The following NOSTRIN variants were observed in gnomAD, a reference collection of about 807,000 sequenced individuals.
The protein encoded by NOSTRIN is BM247 homolog.
Under a neutral mutation model 59.0 loss-of-function variants are expected in NOSTRIN, and 63 were observed. The observed-to-expected ratio is 1.07, with a 90% confidence interval of 0.87 to 1.32. The LOEUF (loss-of-function observed/expected upper bound fraction) is 1.32, where lower values mean the gene tolerates loss of function less well. Among genes scored for constraint, NOSTRIN ranks in the 40% most tolerant of loss-of-function variants. NOSTRIN has a pLI of 0.00. For missense variants in NOSTRIN, 512 were observed against 473.1 expected, an observed-to-expected ratio of 1.08 and a Z score of -0.76; for synonymous variants, 200 against 165.4, an observed-to-expected ratio of 1.21 and a Z score of -1.61.
chr2:168,832,484 A>C (rs1305584841), intron 6 of NOSTRIN, among the ~76,000 whole-genome samples: 2 of 152,204 alleles, frequency 1.3e-5, no homozygotes, highest in African/African-American at 4.8e-5. Flanking sequence ...GCCCACAGAG[A>C]ACCTTTACAA....
chr2:168,802,222 G>A (rs368016424), upstream of NOSTRIN, among the ~76,000 whole-genome samples: 30 of 152,244 alleles, frequency 2.0e-4, 1 homozygote, highest in East Asian at 3.5e-3. Flanking sequence ...AGTCCATGAG[G>A]TCCCCAAAGG....
At chr2:168,862,920 A>G (rs960212861) in intron 15 of NOSTRIN, among the ~76,000 whole-genome samples, 7 of 152,254 alleles carry the variant, frequency 4.6e-5, no homozygotes, top group Non-Finnish European at 1.0e-4. Flanking sequence ...TACATTTTGT[A>G]GCCAAACGAC....
At chr2:168,809,521 A>G (rs1455047754) in intron 1 of NOSTRIN, among the ~76,000 whole-genome samples, 2 of 152,148 alleles carry the variant, frequency 1.3e-5, no homozygotes, top group Non-Finnish European at 2.9e-5. Flanking sequence ...ATTATAGAAG[A>G]AAACAAAAGG....
At chr2:168,794,747 TA>T (rs146099568), upstream of NOSTRIN, among the ~76,000 whole-genome samples, 774 of 152,174 alleles carry the variant, frequency 5.1e-3, 7 homozygotes, top group African/African-American at 0.017. Context: ...TAAAATGGCT[TA>T]AAAAAATTAA....
chr2:168,863,478 T>C, intron 15 of NOSTRIN: 1 of 985,336 alleles, frequency 1.0e-6, no homozygotes, highest in Non-Finnish European at 1.2e-6. Context: ...GGGCAGATGA[T>C]CCTGAAGGGG....
chr2:168,793,095 C>G (rs1173811121), intron 2 of NOSTRIN, among the ~76,000 whole-genome samples: 1 of 152,196 alleles, frequency 6.6e-6, no homozygotes, highest in African/African-American at 2.4e-5. Flanking sequence ...GGGCTTCGTT[C>G]TAGATTCCTC....
chr2:168,864,892 T>C lies in NOSTRIN; in HGVS notation c.1443T>C (p.Asn481=). 1 of 1,614,000 alleles carries C rather than the reference T, an allele frequency of 6.2e-7. No homozygotes were observed. The highest frequency in any genetic ancestry group is 8.5e-7 in the Non-Finnish European group (1 of 1,179,956). The change falls in exon 16 of 16, where the codon AAT becomes AAC. Residue 481 remains asparagine (N), a synonymous_variant. Transcript: ENST00000317647. The stretch of plus-strand genomic sequence containing the variant: ...GAGGATGGTGGTTTGGATCTTTGAA[T>C]GGGAAAAAAGGCCATTTTCCTGCCG... ...KEGGWWFGSL[N]GKKGHFPAAY...
upstream of NOSTRIN, among the ~76,000 whole-genome samples, chr2:168,800,543 G>A (rs1309868892): frequency 3.3e-5 from 5 of 152,150 alleles, no homozygotes; most frequent in Non-Finnish European, 1.5e-5. Flanking sequence ...TGTCCAGGAG[G>A]TCTGAGGGAA....
intron 3 of NOSTRIN, among the ~76,000 whole-genome samples, chr2:168,825,239 G>A (rs558922): frequency 0.42 from 64,435 of 152,018 alleles, 15,091 homozygotes; most frequent in East Asian, 0.87. Flanking sequence ...GAGAGGTCTT[G>A]TTATCCCTGT....
intron 8 of NOSTRIN, among the ~76,000 whole-genome samples, chr2:168,848,123 T>C (rs1688535752): frequency 6.6e-6 from 1 of 152,244 alleles, no homozygotes; most frequent in African/African-American, 2.4e-5. Context: ...TAAGGACTTC[T>C]TCTTTTTGAA....
intron 2 of NOSTRIN, among the ~76,000 whole-genome samples, chr2:168,823,732 G>A (rs1299881034): frequency 6.6e-6 from 1 of 152,088 alleles, no homozygotes; most frequent in Non-Finnish European, 1.5e-5. Context: ...ACTTCTTCTT[G>A]GGAGACACAA....
chr2:168,840,081 T>C (rs900517557), intron 7 of NOSTRIN, among the ~76,000 whole-genome samples: 1 of 151,822 alleles, frequency 6.6e-6, no homozygotes, highest in Non-Finnish European at 1.5e-5. Flanking sequence ...TTCTCATTCC[T>C]GGGGTGCTGA....
chr2:168,797,109 A>T (rs1161082802), upstream of NOSTRIN, among the ~76,000 whole-genome samples: 9 of 81,642 alleles, frequency 1.1e-4, no homozygotes, highest in African/African-American at 4.0e-4. Context: ...TTTGGAGACA[A>T]GGTCTCTCTC....
chr2:168,802,457 G>T (rs994633416), upstream of NOSTRIN: 8 of 580,540 alleles, frequency 1.4e-5, no homozygotes, highest in African/African-American at 1.1e-4. Context: ...ACCCAGAGCA[G>T]TTCTTTACTT....
At chr2:168,816,437 C>T (rs535072871) in intron 2 of NOSTRIN, among the ~76,000 whole-genome samples, 2 of 152,258 alleles carry the variant, frequency 1.3e-5, no homozygotes, top group South Asian at 4.1e-4. Flanking sequence ...CCCTGCCTCT[C>T]TCCTTACTGG....
chr2:168,799,503 C>G (rs1390218099), upstream of NOSTRIN, among the ~76,000 whole-genome samples: 2 of 152,150 alleles, frequency 1.3e-5, no homozygotes, highest in Admixed American at 6.5e-5. Context: ...AGATGCCTCA[C>G]CTACCTGAGC....
chr2:168,815,339 A>G (rs1686340885), intron 2 of NOSTRIN, among the ~76,000 whole-genome samples: 1 of 152,370 alleles, frequency 6.6e-6, no homozygotes, highest in Non-Finnish European at 1.5e-5. Flanking sequence ...CCTAATGCCA[A>G]AGTTATCAGA....
intron 2 of NOSTRIN, among the ~76,000 whole-genome samples, chr2:168,812,749 A>G (rs773768020): frequency 3.9e-5 from 6 of 152,164 alleles, no homozygotes; most frequent in Admixed American, 6.5e-5. Flanking sequence ...ACCATCTCTG[A>G]GCAGATAAGC....
chr2:168,834,505 G>A (rs59249410), intron 7 of NOSTRIN, among the ~76,000 whole-genome samples, 180 bp downstream of exon 7: 45,464 of 101,648 alleles, frequency 0.45, 9,007 homozygotes, highest in East Asian at 0.6. Flanking sequence ...GCGCGCGCGC[G>A]CGCACACACA....
Sources: allele counts gnomAD v4.1 joint callset (sites outside exome capture counted in the v4.1 genomes callset), GRCh38; gene constraint gnomAD v4.1.1; transcripts MANE v1.5; gene names NCBI Gene and HGNC (gene_info 2026-07-23, HGNC 2026-07-21).